Variants in LMBRD2 observed in about 807,000 individuals in gnomAD.
LMBRD2 encodes LMBR1 domain containing 2, also known as G protein-coupled receptor-associated protein LMBRD2.
LMBRD2 carries 55 observed loss-of-function variants against 94.4 expected under a neutral mutation model. The observed-to-expected ratio is 0.58, with a 90% confidence interval of 0.47 to 0.73. LMBRD2 has a LOEUF of 0.73. Ranked by LOEUF, LMBRD2 falls within the 30% of genes least tolerant of loss-of-function variation. The pLI, the probability that LMBRD2 is intolerant of heterozygous loss-of-function variation, is 0.00. For missense variants in LMBRD2, 640 were observed against 831.9 expected, an observed-to-expected ratio of 0.77 and a Z score of 2.84; for synonymous variants, 246 against 272.4, an observed-to-expected ratio of 0.90 and a Z score of 0.95.
chr5:36,122,159 T>C, intron 9 of LMBRD2, 121 bp downstream of exon 9: 1 of 648,420 alleles, frequency 1.5e-6, no homozygotes, highest in South Asian at 2.2e-5. Context: ...ATACTTAATA[T>C]CACATGGTAT....
At chr5:36,110,295 A>G (rs531740262) in intron 14 of LMBRD2, among the ~76,000 whole-genome samples, 1 of 152,150 alleles carries the variant, frequency 6.6e-6, no homozygotes, top group Non-Finnish European at 1.5e-5. Flanking sequence ...CCTGTCTTCT[A>G]AGTTAAGTTC....
chr5:36,106,260 T>C (rs745307075), intron 16 of LMBRD2, among the ~76,000 whole-genome samples: 1 of 152,158 alleles, frequency 6.6e-6, no homozygotes, highest in Non-Finnish European at 1.5e-5. Context: ...CTTTCCTATT[T>C]ATTATACCCT....
rs867183932 is a variant in LMBRD2, at chr5:36,147,914, A to T, written c.-58+3642T>A. ...AAAAATTTCTGACCGGAACCTAATG[A>T]TTCATCATTCTCAAATACTGTTAAC... is the stretch of plus-strand genomic sequence containing the variant. On this transcript the variant is annotated intron_variant, in intron 1 of 17. Transcript: ENST00000296603. The T allele has an allele frequency of 2.8e-5, 12 of 425,060 alleles. No homozygotes were observed. The Middle Eastern group carries it at 5.9e-3, about 207-fold the overall frequency. 26.3% of individuals were successfully genotyped at this position (425,060 alleles called of 1,614,324 possible). A position where few individuals can be genotyped will look rare whatever the true frequency, so the allele number is the denominator to read the frequency against.
intron 4 of LMBRD2, among the ~76,000 whole-genome samples, chr5:36,139,423 A>G (rs1330574314): frequency 6.6e-6 from 1 of 152,182 alleles, no homozygotes; most frequent in Non-Finnish European, 1.5e-5. Context: ...TGGTGGCAGG[A>G]GGCAGATAGG....
At chr5:36,141,329 C>G (rs983319677) in intron 3 of LMBRD2, 127 bp from the exon 4 acceptor site, 5 of 489,092 alleles carry the variant, frequency 1.0e-5, no homozygotes, top group African/African-American at 4.0e-5. Flanking sequence ...TAATCAATAA[C>G]CCATAAAATT....
intron 3 of LMBRD2, among the ~76,000 whole-genome samples, chr5:36,141,690 TG>T (rs2111908819): frequency 6.6e-6 from 1 of 152,228 alleles, no homozygotes; most frequent in East Asian, 1.9e-4. Flanking sequence ...ATAGCTTCTA[TG>T]GAGATGCATG....
In LMBRD2 at chr5:36,102,058, C is replaced by G. The variant is rs904968770; in HGVS notation, c.*1988G>C. 6.6e-6 allele frequency: 1 copy of G among 151,818 alleles called. No homozygotes were observed. The highest frequency in any genetic ancestry group is 1.5e-5 in the Non-Finnish European group (1 of 67,818). The allele number at this position is 151,818 out of a possible 1,614,324, so 9.4% of individuals were successfully genotyped here. A position where few individuals can be genotyped will look rare whatever the true frequency, so the allele number is the denominator to read the frequency against. ...AAGTAAACCCAAAGACTAAATAAAA[C>G]AACACTACTTTCACAGGACTTTTGA... On this transcript the variant is annotated 3_prime_UTR_variant, in exon 18 of 18. Transcript: ENST00000296603.
At chr5:36,111,738 C>T (rs950838672) in intron 13 of LMBRD2, among the ~76,000 whole-genome samples, 6 of 151,862 alleles carry the variant, frequency 4.0e-5, no homozygotes, top group Admixed American at 2.6e-4. Context: ...ATATGGAACA[C>T]AAGGAAGGAA....
Position 36,122,350 on chromosome 5 carries a change from C to T in LMBRD2, c.1050G>A (p.Gln350=). ...VAKNETSATH[Q]FVHTFQSPEP... ...CTGGCGATTGAAAGGTGTGAACAAA[C>T]TGATGAGTAGCACTAGTTTCATTTT... is the stretch of plus-strand genomic sequence containing the variant. The change falls in exon 9 of 18, where the codon CAG becomes CAA. Residue 350 remains glutamine (Q), a synonymous_variant. Transcript: ENST00000296603. The T allele has an allele frequency of 6.2e-7, 1 of 1,612,754 alleles. No homozygotes were observed. The highest frequency in any genetic ancestry group is 1.1e-5 in the South Asian group (1 of 90,844).
chr5:36,139,771 C>A (rs1358294456), intron 4 of LMBRD2, among the ~76,000 whole-genome samples: 1 of 152,174 alleles, frequency 6.6e-6, no homozygotes, highest in Non-Finnish European at 1.5e-5. Flanking sequence ...CCACTGAGAG[C>A]TATACTTGTC....
In LMBRD2 at chr5:36,108,608, T is replaced by C; in HGVS notation, c.1823A>G (p.Glu608Gly). Reference sequence around the variant, plus strand: ...AATATTTCTGTTCCTAGTGGAATCTTCTCTATTGTGTCCATAACGTTCTTT... The same window carrying C: ...AATATTTCTGTTCCTAGTGGAATCTCCTCTATTGTGTCCATAACGTTCTTT... The part of the protein sequence containing the change: ...EWKERYGHNR[E>G]DSTRNRNIHT... Residue 608 changes from glutamate to glycine, a missense_variant, in exon 16 of 18, where the codon GAA (glutamate) becomes GGA (glycine). Physicochemically the swap from Glu to Gly is moderately conservative, Grantham distance 98. Coordinates refer to ENST00000296603, the MANE Select transcript of LMBRD2 (RefSeq NM_001007527.2). 6.3e-7 allele frequency: 1 copy of C among 1,586,208 alleles called. No individual in the cohort carries two copies. The highest frequency in any genetic ancestry group is 8.6e-7 in the Non-Finnish European group (1 of 1,161,064).
At chr5:36,138,673 C>G (rs1248432034) in intron 4 of LMBRD2, among the ~76,000 whole-genome samples, 3 of 152,196 alleles carry the variant, frequency 2.0e-5, no homozygotes, top group Non-Finnish European at 4.4e-5. Flanking sequence ...TAAACACAAT[C>G]TATGCATTTT....
chr5:36,124,333 C>T lies in LMBRD2; in HGVS notation c.748-68G>A, dbSNP rs1743955220. On this transcript the variant is annotated intron_variant, in intron 6 of 17. Coordinates refer to ENST00000296603, the MANE Select transcript of LMBRD2 (RefSeq NM_001007527.2). ...AGATCACATATTCCAAATGAGAATGCATTAGGTACTATATATTTTCTCACA... is the reference window on the plus strand; with the variant it reads ...AGATCACATATTCCAAATGAGAATGTATTAGGTACTATATATTTTCTCACA... 1.4e-5 allele frequency: 12 copies of T among 855,200 alleles called. No homozygotes were observed. In the South Asian group the frequency reaches 1.9e-4, roughly 14 times the overall value. The allele number at this position is 855,200 out of a possible 1,614,324, so 53.0% of individuals were successfully genotyped here.
chr5:36,123,534 AT>A (rs1743935167), intron 7 of LMBRD2, among the ~76,000 whole-genome samples: 1 of 152,048 alleles, frequency 6.6e-6, no homozygotes, highest in African/African-American at 2.4e-5. Flanking sequence ...CTACACAAGA[AT>A]CAGTATAACA....
intron 16 of LMBRD2, among the ~76,000 whole-genome samples, chr5:36,105,812 T>C (rs1237149475): frequency 6.6e-6 from 1 of 152,182 alleles, no homozygotes; most frequent in Non-Finnish European, 1.5e-5. Flanking sequence ...TGGCTAATGA[T>C]TATCATACCA....
At chr5:36,130,006 G>GT (rs1177975405) in intron 6 of LMBRD2, among the ~76,000 whole-genome samples, 1 of 152,102 alleles carries the variant, frequency 6.6e-6, no homozygotes, top group Non-Finnish European at 1.5e-5. Context: ...ATGGACACAG[G>GT]AAGGGGAACA....
chr5:36,124,127 ACTTTTGGTATAATAT>A, intron 7 of LMBRD2, 49 bp downstream of exon 7: 1 of 915,220 alleles, frequency 1.1e-6, no homozygotes, highest in African/African-American at 1.7e-5. Context: ...CTTTTCTGGT[ACTTTTGGTATAATAT>A]TATATAAGTG....
In LMBRD2 at chr5:36,126,697, T is replaced by C. The variant is rs1289480707; in HGVS notation, c.748-2432A>G. Reference sequence around the variant, plus strand: ...TTATTAATGCTTCAAAGAAAGGTAATAGACACACAAATGCATATATCAATT... The same window carrying C: ...TTATTAATGCTTCAAAGAAAGGTAACAGACACACAAATGCATATATCAATT... On this transcript the variant is annotated intron_variant, in intron 6 of 17. Transcript: ENST00000296603. Among the ~76,000 whole-genome samples, 5 of 152,160 alleles carry C rather than the reference T, an allele frequency of 3.3e-5. No homozygotes were observed. In the East Asian group the frequency reaches 9.6e-4, roughly 29 times the overall value.
intron 4 of LMBRD2, among the ~76,000 whole-genome samples, chr5:36,138,658 C>T (rs888496338): frequency 1.3e-5 from 2 of 152,126 alleles, no homozygotes; most frequent in African/African-American, 4.8e-5. Flanking sequence ...TGAAAAAAGT[C>T]AAACTAAACA....
Sources: gnomAD v4.1 joint callset for allele counts (sites outside exome capture counted in the v4.1 genomes callset) on GRCh38, gnomAD v4.1.1 for gene constraint, MANE v1.5 for transcripts, NCBI Gene and HGNC (gene_info 2026-07-23, HGNC 2026-07-21) for gene names.